The following C16orf89 variants were observed in gnomAD, a reference collection of about 807,000 sequenced individuals.
C16orf89 encodes chromosome 16 open reading frame 89.
C16orf89 carries 57 observed loss-of-function variants against 41.5 expected under a neutral mutation model. That is an observed-to-expected ratio of 1.38 (90% confidence interval 1.11 to 1.71). The LOEUF is 1.71. C16orf89 is among the 40% of genes most tolerant of loss of function. The pLI is 0.00. For missense variants in C16orf89, 575 were observed against 445.9 expected, an observed-to-expected ratio of 1.29 and a Z score of -2.61; for synonymous variants, 223 against 190.6, an observed-to-expected ratio of 1.17 and a Z score of -1.40.
downstream of C16orf89, chr16:5,043,004 C>T (rs1295205980): frequency 6.6e-6 from 1 of 152,094 alleles, no homozygotes; most frequent in Non-Finnish European, 1.5e-5. Context: ...TTACGGGCAC[C>T]ATTTCCAGTA....
chr16:5,046,158 C>T (rs1289720883), intron 7 of C16orf89, among the ~76,000 whole-genome samples: 4 of 152,096 alleles, frequency 2.6e-5, no homozygotes, highest in Non-Finnish European at 2.9e-5. Context: ...AACTGACTCA[C>T]TGGATTTCTG....
intron 2 of C16orf89, among the ~76,000 whole-genome samples, chr16:5,061,874 C>T (rs1956633941): frequency 6.6e-6 from 1 of 152,114 alleles, no homozygotes; most frequent in Non-Finnish European, 1.5e-5. Context: ...AGGAACAACT[C>T]AGCCAAACTT....
At position 5,059,327 on chromosome 16, in the gene C16orf89, A is replaced by G. The variant is rs112558372; in HGVS notation, c.510-717T>C. On this transcript the variant is annotated intron_variant, in intron 3 of 7. Coordinates refer to ENST00000472572, the MANE Select transcript of C16orf89 (RefSeq NM_001098514.3). ...ACACAAATACAAAAATTAGCCGGGCATGGTGGCGCACATCTGTAATCCCAG... is the reference window on the plus strand; with the variant it reads ...ACACAAATACAAAAATTAGCCGGGCGTGGTGGCGCACATCTGTAATCCCAG... 8.6e-3 allele frequency among the ~76,000 whole-genome samples: 1,298 copies of G among 151,114 alleles called. 22 individuals carry two copies. The highest frequency in any genetic ancestry group is 0.04 in the East Asian group (201 of 5,020).
chr16:5,060,450 C>A lies in C16orf89; in HGVS notation c.359-14G>T, dbSNP rs376437700. 6.2e-7 allele frequency: 1 copy of A among 1,607,216 alleles called. No homozygotes were observed. Among genetic ancestry groups the A allele is most frequent in the Non-Finnish European group, 8.5e-7 (1 of 1,176,422 alleles). ...TCAGCTGGAACTCTGGCAGAGAGGACAGATAGATGGGGTGGGGTGTGGGGG... is the reference window on the plus strand; with the variant it reads ...TCAGCTGGAACTCTGGCAGAGAGGAAAGATAGATGGGGTGGGGTGTGGGGG... On this transcript the variant is annotated splice_polypyrimidine_tract_variant and intron_variant, in intron 2 of 7. Coordinates refer to ENST00000472572, the MANE Select transcript of C16orf89 (RefSeq NM_001098514.3).
At position 5,056,068 on chromosome 16, in the gene C16orf89, T is replaced by C. The variant is rs756627552; in HGVS notation, c.748A>G (p.Ile250Val). The change falls in exon 5 of 8, where the codon ATC becomes GTC. Residue 250 changes from isoleucine to valine, a missense_variant. Physicochemically the swap from Ile to Val is conservative, Grantham distance 29 (BLOSUM62 3). Coordinates refer to ENST00000472572, the MANE Select transcript of C16orf89 (RefSeq NM_001098514.3). Reference protein sequence around the residue: ...AIGYAYPTRDIFMENIMFCGM... With the variant: ...AIGYAYPTRDVFMENIMFCGM... ...CTGGCCATACTGTTTTCCATGAAGA[T>C]GTCCCGGGTAGGGTAGGCGTATCCG... 5.0e-6 allele frequency: 8 copies of C among 1,594,602 alleles called. No homozygotes were observed. The highest frequency in any genetic ancestry group is 6.9e-6 in the Non-Finnish European group (8 of 1,164,136).
rs1173788427 is a variant in C16orf89 at position 5,056,182 on chromosome 16, AC to A, written c.633del (p.Cys212AlafsTer20). ...CTCTGTTGGAGTGGTCCCTGTGTGC[AC>A]CCCCTCTGGGGAGACAAACACCCAA... Reference protein sequence around the residue: ...LLFFLWARMRGCTQGPLQQSQ... With the variant: ...LLFFLWARMRXCTQGPLQQSQ... On this transcript the variant is annotated frameshift_variant, in exon 5 of 8. Coordinates refer to ENST00000472572, the MANE Select transcript of C16orf89 (RefSeq NM_001098514.3). LOFTEE classifies it high-confidence loss of function. 6.3e-7 allele frequency: 1 copy of A among 1,588,392 alleles called. No homozygotes were observed. The highest frequency in any genetic ancestry group is 8.6e-7 in the Non-Finnish European group (1 of 1,158,596).
At chr16:5,052,133 A>G (rs1255552476) in intron 6 of C16orf89, among the ~76,000 whole-genome samples, 2 of 151,806 alleles carry the variant, frequency 1.3e-5, no homozygotes, top group Non-Finnish European at 2.9e-5. Flanking sequence ...AGGAAAAAGA[A>G]AAGAAAAAAG....
intron 6 of C16orf89, among the ~76,000 whole-genome samples, chr16:5,052,521 G>A (rs1956416564): frequency 6.6e-6 from 1 of 152,078 alleles, no homozygotes; most frequent in Admixed American, 6.6e-5. Flanking sequence ...AACCCAGGAG[G>A]CAGAGGTTGC....
At chr16:5,047,998 G>T (rs1164035190) in intron 6 of C16orf89, 34 bp from the exon 7 acceptor site, 1 of 1,136,100 alleles carries the variant, frequency 8.8e-7, no homozygotes, top group Non-Finnish European at 1.3e-6. Context: ...CTTCTCAAGA[G>T]AGATTTTTAT....
chr16:5,058,548 C>T lies in C16orf89; in HGVS notation c.572G>A (p.Gly191Asp), dbSNP rs1956555709. The change falls in exon 4 of 8, where the codon GGC becomes GAC. Residue 191 changes from glycine (G) to aspartate (D), a missense_variant. Transcript: ENST00000472572. ...GTGGGACAGGCAGTAGCCTGAGCAGCCGGGCTTGGTCATGAGGCTCCTGCA... is the reference window on the plus strand; with the variant it reads ...GTGGGACAGGCAGTAGCCTGAGCAGTCGGGCTTGGTCATGAGGCTCCTGCA... ...DLCRSLMTKP[G>D]CSGYCLSHQL... 6.2e-7 allele frequency: 1 copy of T among 1,612,680 alleles called. No individual in the cohort carries two copies. Among genetic ancestry groups the T allele is most frequent in the South Asian group, 1.1e-5 (1 of 91,060 alleles).
chr16:5,058,747 A>G (rs1292908311), intron 3 of C16orf89, 137 bp from the exon 4 acceptor site: 2 of 626,808 alleles, frequency 3.2e-6, no homozygotes, highest in Non-Finnish European at 2.7e-6. Context: ...GACAGAGACA[A>G]TACAGCAGTC....
chr16:5,052,326 C>T (rs1457237901), intron 6 of C16orf89, among the ~76,000 whole-genome samples: 2 of 152,170 alleles, frequency 1.3e-5, no homozygotes, highest in African/African-American at 2.4e-5. Context: ...CAGTGGCTCA[C>T]GCCTCTAATC....
chr16:5,062,160 C>T (rs1202496210), intron 2 of C16orf89, among the ~76,000 whole-genome samples: 1 of 152,196 alleles, frequency 6.6e-6, no homozygotes, highest in Non-Finnish European at 1.5e-5. Context: ...GGACCTCCAG[C>T]TTGTGCGTGC....
intron 6 of C16orf89, 148 bp from the exon 7 acceptor site, chr16:5,048,112 C>T (rs996819443): frequency 3.0e-5 from 18 of 591,134 alleles, no homozygotes; most frequent in African/African-American, 3.7e-5. Flanking sequence ...ACCACAACCT[C>T]GAACTCCCAA....
rs746052353 is a variant in C16orf89, at chr16:5,065,831, C to T, written c.78G>A (p.Leu26=). ...TGGTGGCTTTACTTTCAGCAGTGTC[C>T]AGCCCAGGCAGTGAGGAGGACCACA... ...PPLWSSSLPG[L]DTAESKATIA... Residue 26 remains leucine (L), a synonymous_variant, in exon 1 of 8, where the codon CTG becomes CTA. Transcript: ENST00000472572. 28 of 1,614,232 alleles carry T rather than the reference C, an allele frequency of 1.7e-5. No homozygotes were observed. The highest frequency in any genetic ancestry group is 3.3e-4 in the Middle Eastern group (2 of 6,062).
At chr16:5,056,899 C>T (rs1956519719) in intron 4 of C16orf89, among the ~76,000 whole-genome samples, 1 of 152,064 alleles carries the variant, frequency 6.6e-6, no homozygotes, top group African/African-American at 2.4e-5. Flanking sequence ...GACACTGAAT[C>T]ACATTGTTTT....
chr16:5,054,840 C>G (rs1956459592), intron 6 of C16orf89, among the ~76,000 whole-genome samples: 2 of 152,206 alleles, frequency 1.3e-5, no homozygotes, highest in African/African-American at 4.8e-5. Context: ...TCTCTCTTGT[C>G]TGCCACTATG....
intron 3 of C16orf89, among the ~76,000 whole-genome samples, 197 bp from the exon 4 acceptor site, chr16:5,058,807 G>A (rs17137557): frequency 0.15 from 23,087 of 151,998 alleles, 1,933 homozygotes; most frequent in East Asian, 0.3. Flanking sequence ...GAAAGATGAC[G>A]CTAGAGCTAT....
chr16:5,057,384 G>GGT (rs1266409260), intron 4 of C16orf89, among the ~76,000 whole-genome samples: 23 of 145,604 alleles, frequency 1.6e-4, no homozygotes, highest in African/African-American at 5.5e-4. Context: ...TATATATAGT[G>GGT]GTATATATAT....
Sources: allele counts gnomAD v4.1 joint callset (sites outside exome capture counted in the v4.1 genomes callset), GRCh38; gene constraint gnomAD v4.1.1; transcripts MANE v1.5; gene names NCBI Gene and HGNC (gene_info 2026-07-23, HGNC 2026-07-21).